The following CNTNAP2 variants were observed in gnomAD, a reference collection of about 807,000 sequenced individuals.
CNTNAP2 encodes contactin associated protein 2, also known as contactin-associated protein-like 2.
In CNTNAP2, 98 loss-of-function variants were observed where a neutral mutation model predicts 155.2. The observed-to-expected ratio is 0.63, with a 90% CI of 0.54 to 0.75. The LOEUF (loss-of-function observed/expected upper bound fraction) is 0.75, where lower values mean the gene tolerates loss of function less well. Ranked by LOEUF, CNTNAP2 falls within the 30% of genes least tolerant of loss-of-function variation. CNTNAP2 has a pLI of 0.00. For synonymous variants in CNTNAP2, 651 were observed against 631.2 expected (o/e 1.03, Z -0.47); for missense variants, 1,727 against 1,688.1 (o/e 1.02, Z -0.40).
At chr7:147,937,572 C>T (rs1372408878) in intron 14 of CNTNAP2, among the ~76,000 whole-genome samples, 1 of 152,062 alleles carries the variant, frequency 6.6e-6, no homozygotes, top group Non-Finnish European at 1.5e-5. Flanking sequence ...GCGGGTAACC[C>T]ACATTCTTAT....
chr7:146,505,929 G>A (rs866505830), intron 1 of CNTNAP2, among the ~76,000 whole-genome samples: 8 of 152,174 alleles, frequency 5.3e-5, no homozygotes, highest in Admixed American at 1.3e-4. Context: ...GCCCCACAAA[G>A]AGGTGGAGTA....
Position 148,386,703 on chromosome 7 carries a change from A to G in CNTNAP2, c.3715+2815A>G, listed in dbSNP as rs574626951. On this transcript the variant is annotated intron_variant, in intron 22 of 23. Coordinates refer to ENST00000361727, the MANE Select transcript of CNTNAP2 (RefSeq NM_014141.6). ...AGCCTCTGGTTGCTCAGTGTCAGGG[A>G]GGAAAAACTTTTCCTCTGTCCTCTT... 2.0e-5 allele frequency among the ~76,000 whole-genome samples: 3 copies of G among 152,098 alleles called. 1 individual carries two copies. The South Asian group carries it at 6.2e-4, about 32-fold the overall frequency.
At chr7:146,191,828 G>T (rs557476597) in intron 1 of CNTNAP2, among the ~76,000 whole-genome samples, 2 of 152,236 alleles carry the variant, frequency 1.3e-5, no homozygotes, top group South Asian at 4.1e-4. Flanking sequence ...CTGTTACCCT[G>T]TTCTTTTTTC....
chr7:148,250,729 C>T (rs890542216), intron 20 of CNTNAP2, among the ~76,000 whole-genome samples: 3 of 152,240 alleles, frequency 2.0e-5, no homozygotes, highest in Non-Finnish European at 4.4e-5. Context: ...GTCCTGTCCT[C>T]ACCTCTATCC....
At chr7:146,664,374 T>C (rs2642507) in intron 1 of CNTNAP2, among the ~76,000 whole-genome samples, 14,108 of 151,942 alleles carry the variant, frequency 0.093, 2,029 homozygotes, top group African/African-American at 0.3. Flanking sequence ...TTGGCCAGAC[T>C]GGTCTCAATC....
intron 1 of CNTNAP2, among the ~76,000 whole-genome samples, chr7:146,184,363 T>C (rs559950353): frequency 6.6e-6 from 1 of 152,250 alleles, no homozygotes; most frequent in East Asian, 1.9e-4. Context: ...CATGAGATAG[T>C]GTGGAACATA....
intron 8 of CNTNAP2, among the ~76,000 whole-genome samples, chr7:147,219,245 T>C (rs1180448104): frequency 1.3e-5 from 2 of 152,164 alleles, no homozygotes; most frequent in Admixed American, 6.5e-5. Context: ...GGGAGTTTAT[T>C]AGGATAATTG....
At chr7:146,415,651 G>A (rs1344374892) in intron 1 of CNTNAP2, among the ~76,000 whole-genome samples, 2 of 151,632 alleles carry the variant, frequency 1.3e-5, no homozygotes, top group Non-Finnish European at 2.9e-5. Context: ...CTCCACTTTT[G>A]AATCATAGGA....
intron 11 of CNTNAP2, among the ~76,000 whole-genome samples, chr7:147,543,585 T>A (rs1253057288): frequency 1.3e-5 from 2 of 152,190 alleles, no homozygotes; most frequent in African/African-American, 4.8e-5. Flanking sequence ...AACAACTCTA[T>A]AATAAGGACA....
At chr7:147,522,369 T>C (rs889617576) in intron 11 of CNTNAP2, among the ~76,000 whole-genome samples, 1 of 152,202 alleles carries the variant, frequency 6.6e-6, no homozygotes, top group African/African-American at 2.4e-5. Flanking sequence ...CTTCCACCAA[T>C]ATTTTCAATA....
intron 13 of CNTNAP2, among the ~76,000 whole-genome samples, chr7:147,885,282 TC>T (rs1216489453): frequency 2.0e-5 from 3 of 152,226 alleles, no homozygotes; most frequent in Admixed American, 1.3e-4. Context: ...TTCTGGACTC[TC>T]CTGGTCGTGT....
At chr7:147,435,120 C>T (rs113962968) in intron 10 of CNTNAP2, among the ~76,000 whole-genome samples, 2 of 152,226 alleles carry the variant, frequency 1.3e-5, no homozygotes, top group African/African-American at 4.8e-5. Context: ...CTGGGTAACA[C>T]AGGAAATGCC....
chr7:146,130,947 G>C lies in CNTNAP2; in HGVS notation c.97+13974G>C, dbSNP rs1306285842. The stretch of plus-strand genomic sequence containing the variant: ...ATAGGGGAACCATCCCTATGATCCA[G>C]TCACCCCCAACCAGGTTTCACCCTT... On this transcript the variant is annotated intron_variant, in intron 1 of 23. Coordinates refer to ENST00000361727, the MANE Select transcript of CNTNAP2 (RefSeq NM_014141.6). 7.2e-5 allele frequency among the ~76,000 whole-genome samples: 11 copies of C among 152,160 alleles called. No individual in the cohort carries two copies. The East Asian group carries it at 2.1e-3, about 29-fold the overall frequency.
rs184522437 is a variant in CNTNAP2 at position 146,797,759 on chromosome 7, C to T, written c.208+23378C>T. On this transcript the variant is annotated intron_variant, in intron 2 of 23. Coordinates refer to ENST00000361727, the MANE Select transcript of CNTNAP2 (RefSeq NM_014141.6). ...GGAAGGTTTAGTTCTCACTAAGATACGTCCTGGCAGCTGCAGCATTCAAAA... is the reference window on the plus strand; with the variant it reads ...GGAAGGTTTAGTTCTCACTAAGATATGTCCTGGCAGCTGCAGCATTCAAAA... 2.8e-4 allele frequency among the ~76,000 whole-genome samples: 43 copies of T among 152,296 alleles called. No homozygotes were observed. The East Asian group carries it at 7.7e-3, about 27-fold the overall frequency.
At chr7:147,051,728 A>G (rs1042727937) in intron 4 of CNTNAP2, among the ~76,000 whole-genome samples, 2 of 152,066 alleles carry the variant, frequency 1.3e-5, no homozygotes, top group African/African-American at 4.8e-5. Flanking sequence ...GAGGATCAAT[A>G]TATTTGTGAC....
At chr7:147,975,585 G>A (rs560428161) in intron 14 of CNTNAP2, among the ~76,000 whole-genome samples, 2 of 152,236 alleles carry the variant, frequency 1.3e-5, no homozygotes, top group East Asian at 3.9e-4. Context: ...TCTTCCTACA[G>A]GATAGATCTC....
chr7:146,770,284 C>T (rs17170256), intron 1 of CNTNAP2, among the ~76,000 whole-genome samples: 22,419 of 144,770 alleles, frequency 0.15, 3,697 homozygotes, highest in African/African-American at 0.42. Flanking sequence ...TGGAATGTAG[C>T]GAAATGGAAT....
chr7:148,398,094 G>T (rs1003735976), intron 22 of CNTNAP2, among the ~76,000 whole-genome samples: 2 of 152,184 alleles, frequency 1.3e-5, no homozygotes, highest in East Asian at 3.9e-4. Context: ...ATTCATAAAA[G>T]ACTTAAAATA....
chr7:147,957,253 G>T (rs1801031633), intron 14 of CNTNAP2, among the ~76,000 whole-genome samples: 1 of 152,164 alleles, frequency 6.6e-6, no homozygotes, highest in South Asian at 2.1e-4. Context: ...CAAATACGAT[G>T]GAGAGAGCTG....
Sources: allele counts gnomAD v4.1 joint callset (sites outside exome capture counted in the v4.1 genomes callset), GRCh38; gene constraint gnomAD v4.1.1; transcripts MANE v1.5; gene names NCBI Gene and HGNC (gene_info 2026-07-23, HGNC 2026-07-21).